The following CLIP3 variants were observed in gnomAD, a reference collection of about 807,000 sequenced individuals.
CLIP3 encodes the protein CAP-Gly domain-containing linker protein 3.
In CLIP3, 15 loss-of-function variants were observed where a neutral mutation model predicts 59.4. The observed-to-expected ratio is 0.25, with a 90% CI of 0.17 to 0.39. The LOEUF is 0.39. Ranked by LOEUF, CLIP3 falls within the 10% of genes least tolerant of loss-of-function variation. The pLI is 1.00. For synonymous variants in CLIP3, 300 were observed against 321.6 expected (o/e 0.93, Z 0.72); for missense variants, 495 against 765.7 (o/e 0.65, Z 4.17).
Position 36,032,417 on chromosome 19 carries a change from T to G in CLIP3, c.-58-2A>C, listed in dbSNP as rs1006995265. 9 of 830,326 alleles carry G rather than the reference T, an allele frequency of 1.1e-5. No individual in the cohort carries two copies. In the Admixed American group the frequency reaches 2.2e-4, roughly 20 times the overall value. 51.4% of individuals were successfully genotyped at this position (830,326 alleles called of 1,614,324 possible). ...TTGGGGGCAGCCTTCAGGCAAATCC[T>G]GGAGGCAGAGGTCAGCTGGAGAGGG... On this transcript the variant is annotated splice_acceptor_variant, in intron 1 of 13. Coordinates refer to ENST00000360535, the MANE Select transcript of CLIP3 (RefSeq NM_015526.3). LOFTEE classifies it low-confidence loss of function (5UTR_SPLICE). The surrounding 1 kb of genome is among the most constrained non-coding windows in gnomAD (Gnocchi z 4.3).
rs748038468 is a variant in CLIP3 at position 36,017,979 on chromosome 19, GTCT to G, written c.1193_1195del (p.Lys398del). 52 of 1,613,978 alleles carry G rather than the reference GTCT, an allele frequency of 3.2e-5. No individual in the cohort carries two copies. In the African/African-American group the frequency reaches 4.3e-4, roughly 13 times the overall value. On this transcript the variant is annotated inframe_deletion, in exon 10 of 14. Transcript: ENST00000360535. ...GCTGCCCAGAGATGGGGATGATGGG[GTCT>G]TCTTCTTGCCTAAGGGTAGAAGGTG...
At chr19:36,024,904 A>G (rs1217211285) in intron 6 of CLIP3, among the ~76,000 whole-genome samples, 3 of 152,084 alleles carry the variant, frequency 2.0e-5, no homozygotes, top group Middle Eastern at 3.2e-3. Context: ...CGTCTGTACT[A>G]AAAATACAAA....
At chr19:36,031,003 C>CTTTT (rs1568545487) in intron 2 of CLIP3, among the ~76,000 whole-genome samples, 1 of 62,838 alleles carries the variant, frequency 1.6e-5, no homozygotes, top group African/African-American at 7.2e-5. Flanking sequence ...TTCTTTTTTT[C>CTTTT]TTTTCTTTTT....
chr19:36,032,374 C>CG lies in CLIP3; in HGVS notation c.-18dup. The CG allele has an allele frequency of 3.3e-6, 4 of 1,229,290 alleles. No individual in the cohort carries two copies. Among genetic ancestry groups the CG allele is most frequent in the Non-Finnish European group, 4.1e-6 (4 of 971,540 alleles). 76.1% of individuals were successfully genotyped at this position (1,229,290 alleles called of 1,614,324 possible). A position where few individuals can be genotyped will look rare whatever the true frequency, so the allele number is the denominator to read the frequency against. ...CTTAGTCATGGTCCTCGGTGGCCCT[C>CG]GGGGGGCGGGTGCAGAGTTGGGGGC... On this transcript the variant is annotated 5_prime_UTR_variant, in exon 2 of 14. Transcript: ENST00000360535. This position sits in a 1 kb window ranked among gnomAD's most constrained non-coding sequence, Gnocchi z 4.3.
intron 7 of CLIP3, among the ~76,000 whole-genome samples, chr19:36,023,566 CT>C (rs75730971): frequency 0.011 from 1,599 of 143,220 alleles, 26 homozygotes; most frequent in African/African-American, 0.034. Context: ...CAGAAATTAC[CT>C]TTTTTTTTTT....
intron 12 of CLIP3, 126 bp downstream of exon 12, chr19:36,017,259 CA>C: frequency 1.0e-6 from 1 of 984,442 alleles, no homozygotes; most frequent in Admixed American, 2.0e-5. Context: ...CTTGTCTCAT[CA>C]TTTTCCTGGA....
In CLIP3 at chr19:36,019,197, C is replaced by T. The variant is rs778647512; in HGVS notation, c.1028G>A (p.Arg343Gln). ...GKNDGSVGGV[R>Q]YFICPPKQGL... ...CTGCTTGGGAGGGCAGATGAAGTAC[C>T]GAACGCCCCCAACGCTGCCATCGTT... The change falls in exon 8 of 14, where the codon CGG becomes CAG. Residue 343 changes from arginine to glutamine, a missense_variant. By Grantham distance (43) the Arg-to-Gln change is conservative. Around this residue, in one of 5 missense-constraint regions of CLIP3, gnomAD observed 194 missense variants for 327.8 expected, o/e 0.59. Transcript: ENST00000360535. 4 of 1,613,840 alleles carry T rather than the reference C, an allele frequency of 2.5e-6. No homozygotes were observed. The highest frequency in any genetic ancestry group is 1.7e-5 in the Admixed American group (1 of 60,004).
At chr19:36,023,078 A>C (rs1046706143) in intron 7 of CLIP3, among the ~76,000 whole-genome samples, 2 of 152,082 alleles carry the variant, frequency 1.3e-5, no homozygotes, top group Non-Finnish European at 2.9e-5. Context: ...TAATAATCAT[A>C]ATAATAAAAA....
intron 7 of CLIP3, among the ~76,000 whole-genome samples, chr19:36,023,281 G>T (rs956717679): frequency 6.6e-6 from 1 of 152,062 alleles, no homozygotes; most frequent in Non-Finnish European, 1.5e-5. Context: ...TAGCCTACAG[G>T]TCTGCTGTGA....
At chr19:36,023,581 T>C (rs1487797526) in intron 7 of CLIP3, among the ~76,000 whole-genome samples, 1 of 151,536 alleles carries the variant, frequency 6.6e-6, no homozygotes, top group East Asian at 1.9e-4. Context: ...TTTTTTTTTT[T>C]CAATAGAGGC....
In CLIP3 at chr19:36,017,747, G is replaced by A; in HGVS notation, c.1359C>T (p.Pro453=). 2.5e-6 allele frequency: 4 copies of A among 1,614,182 alleles called. No individual in the cohort carries two copies. Among genetic ancestry groups the A allele is most frequent in the Non-Finnish European group, 3.4e-6 (4 of 1,180,024 alleles). Reference sequence around the variant, plus strand: ...AGACAGAGCCATCATGCTTGCCTGTGGGCTGGTCCAGCTCAATGCCATACC... The same window carrying A: ...AGACAGAGCCATCATGCTTGCCTGTAGGCTGGTCCAGCTCAATGCCATACC... ...GYWYGIELDQ[P]TGKHDGSVFG... is the part of the protein sequence containing the mutation. Residue 453 remains proline, a synonymous_variant, in exon 11 of 14, where the codon CCC becomes CCT. Coordinates refer to ENST00000360535, the MANE Select transcript of CLIP3 (RefSeq NM_015526.3).
Position 36,032,615 on chromosome 19 carries a change from C to G in CLIP3, c.-59+109G>C, listed in dbSNP as rs1023475469. 5 of 335,324 alleles carry G rather than the reference C, an allele frequency of 1.5e-5. No individual in the cohort carries two copies. Among genetic ancestry groups the G allele is most frequent in the African/African-American group, 1.1e-4 (5 of 46,984 alleles). 20.8% of individuals were successfully genotyped at this position (335,324 alleles called of 1,614,324 possible). On this transcript the variant is annotated intron_variant, in intron 1 of 13. Coordinates refer to ENST00000360535, the MANE Select transcript of CLIP3 (RefSeq NM_015526.3). This position sits in a 1 kb window ranked among gnomAD's most constrained non-coding sequence, Gnocchi z 4.3. ...GCCCAGCCCCCCATTCTTCTCCTCC[C>G]GCGTCAGGCCCCTCAGTCGCGGCTG...
intron 9 of CLIP3, 127 bp from the exon 10 acceptor site, chr19:36,018,118 C>T (rs1968850968): frequency 9.0e-7 from 1 of 1,108,890 alleles, no homozygotes; most frequent in Admixed American, 2.5e-5. Context: ...ATCCCAGATG[C>T]CAGAGAATTA....
intron 7 of CLIP3, among the ~76,000 whole-genome samples, chr19:36,020,266 C>T (rs764869104): frequency 6.7e-6 from 1 of 149,674 alleles, no homozygotes. Context: ...TAAATAAATA[C>T]ATACCTTAGA....
intron 6 of CLIP3, among the ~76,000 whole-genome samples, chr19:36,025,088 C>A (rs893931536): frequency 6.7e-6 from 1 of 149,816 alleles, no homozygotes; most frequent in African/African-American, 2.5e-5. Flanking sequence ...AAAGAAGGGG[C>A]AGGGCAGAAA....
At chr19:36,025,494 G>C (rs1423204750) in intron 6 of CLIP3, among the ~76,000 whole-genome samples, 1 of 151,970 alleles carries the variant, frequency 6.6e-6, no homozygotes, top group Non-Finnish European at 1.5e-5. Context: ...GGGAGGCTGA[G>C]GCAGGAGAAT....
chr19:36,021,067 G>A (rs952033817), intron 7 of CLIP3, among the ~76,000 whole-genome samples: 2 of 152,048 alleles, frequency 1.3e-5, no homozygotes, highest in Non-Finnish European at 2.9e-5. Flanking sequence ...AAATAGAAAT[G>A]GAGTATCCCT....
In CLIP3 at chr19:36,027,156, G is replaced by C. The variant is rs1335781613; in HGVS notation, c.282C>G (p.His94Gln). ...IVRQWVPQVQ[H>Q]KIDVIGNEIL... Reference sequence around the variant, plus strand: ...CCTCATTGCCGATGACGTCTATCTTGTGCTGGACTTGGGGCACCCACTGGC... The same window carrying C: ...CCTCATTGCCGATGACGTCTATCTTCTGCTGGACTTGGGGCACCCACTGGC... The change falls in exon 3 of 14, where the codon CAC becomes CAG. Residue 94 changes from histidine (H) to glutamine (Q), a missense_variant. Transcript: ENST00000360535. 6.2e-7 allele frequency: 1 copy of C among 1,612,960 alleles called. No homozygotes were observed. The highest frequency in any genetic ancestry group is 1.7e-5 in the Admixed American group (1 of 59,744).
chr19:36,018,159 A>C (rs1219317170), intron 9 of CLIP3, among the ~76,000 whole-genome samples, 168 bp from the exon 10 acceptor site: 1 of 152,230 alleles, frequency 6.6e-6, no homozygotes, highest in Non-Finnish European at 1.5e-5. Flanking sequence ...AGGGAAACTG[A>C]GTCAGAGAAC....
Sources: gnomAD v4.1 joint callset for allele counts (sites outside exome capture counted in the v4.1 genomes callset) on GRCh38, gnomAD v4.1.1 for gene constraint, gnomAD v4.1.1 regional missense constraint, Gnocchi (gnomAD v3.1) non-coding constraint, MANE v1.5 for transcripts, NCBI Gene and HGNC (gene_info 2026-07-23, HGNC 2026-07-21) for gene names.